The following MAGEE1 variants were observed in gnomAD, a reference collection of about 807,000 sequenced individuals.
The protein encoded by MAGEE1 is melanoma-associated antigen E1.
In MAGEE1, 3 loss-of-function variants were observed where a neutral mutation model predicts 12.0. That is an observed-to-expected ratio of 0.25 (90% CI 0.11 to 0.65). The LOEUF is 0.65. MAGEE1 is among the 30% of genes least tolerant of loss of function. The pLI, the probability that MAGEE1 is intolerant of heterozygous loss-of-function variation, is 0.84. For missense variants in MAGEE1, 729 were observed against 772.2 expected (o/e 0.94, Z 0.66); for synonymous variants, 414 against 326.1 (o/e 1.27, Z -2.91).
chrX:76,429,352 G>A lies in MAGEE1; in HGVS notation c.1422G>A (p.Met474Ile), dbSNP rs1556839655. 8.3e-7 allele frequency: 1 copy of A among 1,211,498 alleles called. No homozygotes were observed. Among genetic ancestry groups the A allele is most frequent in the East Asian group, 3.0e-5 (1 of 33,818 alleles). Reference protein sequence around the residue: ...DCESPNSISIMGLNTSRVAIT... With the variant: ...DCESPNSISIIGLNTSRVAIT... ...AGAGCCCCAACTCCATTAGTATTAT[G>A]GGCCTCAATACTTCCCGGGTTGCAA... is the stretch of plus-strand genomic sequence containing the variant. Residue 474 changes from methionine (M) to isoleucine (I), a missense_variant, in exon 1 of 1, where the codon ATG becomes ATA. Physicochemically the swap from Met to Ile is conservative, Grantham distance 10 (BLOSUM62 1). Transcript: ENST00000361470.
rs782480413 is a variant in MAGEE1, at chrX:76,429,131, G to A, written c.1201G>A (p.Gly401Arg). The change falls in exon 1 of 1, where the codon GGA becomes AGA. Residue 401 changes from glycine to arginine, a missense_variant. Coordinates refer to ENST00000361470, the MANE Select transcript of MAGEE1 (RefSeq NM_020932.3). ...LVQPTAPDGP[G>R]SSVLPNPGEG... ...GCAGCCCACCGCCCCTGACGGACCG[G>A]GAAGCTCCGTGCTGCCTAACCCTGG... 21 of 1,210,176 alleles carry A rather than the reference G, an allele frequency of 1.7e-5. No homozygotes were observed. In the South Asian group the frequency reaches 3.2e-4, roughly 18 times the overall value.
Position 76,430,883 on chromosome X carries a change from G to A in MAGEE1, c.*79G>A. On this transcript the variant is annotated 3_prime_UTR_variant, in exon 1 of 1. Transcript: ENST00000361470. ...TTCTCATGTATTGGGGGGTGGGGGT[G>A]GGTACATATTGTATTTGGTATTTGT... 2.0e-6 allele frequency: 1 copy of A among 508,877 alleles called. No homozygotes were observed. The highest frequency in any genetic ancestry group is 4.4e-5 in the Admixed American group (1 of 22,623). The allele number at this position is 508,877 out of a possible 1,213,427, so 41.9% of individuals were successfully genotyped here. A position where few individuals can be genotyped will look rare whatever the true frequency, so the allele number is the denominator to read the frequency against.
chrX:76,431,255 C>A lies in MAGEE1; in HGVS notation c.*451C>A, dbSNP rs1556840049. ...AATTGTGGCTGGCTTCCCTTTCTGT[C>A]TGCTATTGTATGAAGAATACTGATG... On this transcript the variant is annotated 3_prime_UTR_variant, in exon 1 of 1. Coordinates refer to ENST00000361470, the MANE Select transcript of MAGEE1 (RefSeq NM_020932.3). 1 of 128,208 alleles carries A rather than the reference C, an allele frequency of 7.8e-6. No individual in the cohort carries two copies. The highest frequency in any genetic ancestry group is 3.2e-5 in the African/African-American group (1 of 30,934). 10.6% of individuals were successfully genotyped at this position (128,208 alleles called of 1,213,427 possible).
At position 76,428,685 on chromosome X, in the gene MAGEE1, G is replaced by A. The variant is rs781822926; in HGVS notation, c.755G>A (p.Arg252His). ...EGLSTPVPPT[R>H]DEGPSTSVPA... is the part of the protein sequence containing the mutation. ...CTAAGCACCCCCGTGCCACCCACCC[G>A]TGATGAGGGACCGAGCACCTCCGTG... Residue 252 changes from arginine to histidine, a missense_variant, in exon 1 of 1, where the codon CGT becomes CAT. Physicochemically the swap from Arg to His is conservative, Grantham distance 29. Transcript: ENST00000361470. 2.4e-5 allele frequency: 26 copies of A among 1,067,313 alleles called. No homozygotes were observed. Among genetic ancestry groups the A allele is most frequent in the Non-Finnish European group, 3.2e-5 (26 of 819,563 alleles). 88.0% of individuals were successfully genotyped at this position (1,067,313 alleles called of 1,213,427 possible). A position where few individuals can be genotyped will look rare whatever the true frequency, so the allele number is the denominator to read the frequency against.
Position 76,429,206 on chromosome X carries a change from C to T in MAGEE1, c.1276C>T (p.Pro426Ser). ...CTCTAGTGCTTCTGTGGACCGGAAC[C>T]CCTCCAAGTGTTCCCTTGTTTTGCC... ...FSSSASVDRN[P>S]SKCSLVLPSP... Residue 426 changes from proline (P) to serine (S), a missense_variant, in exon 1 of 1, where the codon CCC becomes TCC. Pro to Ser is a moderately conservative substitution (Grantham distance 74). Coordinates refer to ENST00000361470, the MANE Select transcript of MAGEE1 (RefSeq NM_020932.3). The T allele has an allele frequency of 1.7e-6, 2 of 1,212,084 alleles. No homozygotes were observed. The highest frequency in any genetic ancestry group is 2.2e-6 in the Non-Finnish European group (2 of 895,569).
At position 76,430,241 on chromosome X, in the gene MAGEE1, A is replaced by G; in HGVS notation, c.2311A>G (p.Ile771Val). 8.3e-7 allele frequency: 1 copy of G among 1,211,946 alleles called. No individual in the cohort carries two copies. The highest frequency in any genetic ancestry group is 1.8e-5 in the South Asian group (1 of 56,993). Residue 771 changes from isoleucine (I) to valine (V), a missense_variant, in exon 1 of 1, where the codon ATT (isoleucine) becomes GTT (valine). Physicochemically the swap from Ile to Val is conservative, Grantham distance 29 (BLOSUM62 3). Coordinates refer to ENST00000361470, the MANE Select transcript of MAGEE1 (RefSeq NM_020932.3). Reference protein sequence around the residue: ...STKLPIPKKGILYYIGRECSK... With the variant: ...STKLPIPKKGVLYYIGRECSK... ...TAAGCTGCCTATACCAAAGAAAGGA[A>G]TTCTGTACTACATTGGCCGAGAGTG... is the stretch of plus-strand genomic sequence containing the variant.
rs782348877 is a variant in MAGEE1 at position 76,427,970 on chromosome X, C to G, written c.40C>G (p.Arg14Gly). ...VSQNSRRRRR[R>G]VAKATAHNSS... ...CCAGAATTCGCGCCGCCGCCGCCGC[C>G]GCGTTGCAAAGGCTACTGCGCACAA... The change falls in exon 1 of 1, where the codon CGC (arginine) becomes GGC (glycine). Residue 14 changes from arginine (R) to glycine (G), a missense_variant. Coordinates refer to ENST00000361470, the MANE Select transcript of MAGEE1 (RefSeq NM_020932.3). 1.6e-4 allele frequency: 192 copies of G among 1,202,778 alleles called. 1 individual carries two copies. In the East Asian group the frequency reaches 4.6e-3, roughly 29 times the overall value.
rs1923280314 is a variant in MAGEE1 at position 76,428,550 on chromosome X, G to C, written c.620G>C (p.Gly207Ala). 8.3e-7 allele frequency: 1 copy of C among 1,206,702 alleles called. No homozygotes were observed. Among genetic ancestry groups the C allele is most frequent in the Non-Finnish European group, 1.1e-6 (1 of 893,924 alleles). Reference protein sequence around the residue: ...STSVLPTPGEGPGTSVPLAAT... With the variant: ...STSVLPTPGEAPGTSVPLAAT... Reference sequence around the variant, plus strand: ...TCCGTGCTGCCTACACCTGGTGAGGGACCAGGCACCTCCGTGCCGCTCGCC... The same window carrying C: ...TCCGTGCTGCCTACACCTGGTGAGGCACCAGGCACCTCCGTGCCGCTCGCC... The change falls in exon 1 of 1, where the codon GGA becomes GCA. Residue 207 changes from glycine (G) to alanine (A), a missense_variant. By Grantham distance (60) the Gly-to-Ala change is moderately conservative (BLOSUM62 0). This residue lies in a region of MAGEE1 where 473 missense variants were observed against 423.7 expected (regional missense o/e 1.12). Transcript: ENST00000361470.
chrX:76,430,663 G>C lies in MAGEE1; in HGVS notation c.2733G>C (p.Lys911Asn). ...WGPRARLETS[K>N]MKALRYVARI... is the part of the protein sequence containing the mutation. Reference sequence around the variant, plus strand: ...CTAGAGCCCGTTTGGAAACCTCTAAGATGAAAGCCTTGCGATATGTGGCCA... The same window carrying C: ...CTAGAGCCCGTTTGGAAACCTCTAACATGAAAGCCTTGCGATATGTGGCCA... Residue 911 changes from lysine (K) to asparagine (N), a missense_variant, in exon 1 of 1, where the codon AAG (lysine) becomes AAC (asparagine). Lys to Asn is a moderately conservative substitution (Grantham distance 94). Around this residue, in one of 4 missense-constraint regions of MAGEE1, gnomAD observed 101 missense variants for 161.3 expected, o/e 0.63. Transcript: ENST00000361470. 1 of 1,211,723 alleles carries C rather than the reference G, an allele frequency of 8.3e-7. No homozygotes were observed.
Position 76,429,939 on chromosome X carries a change from A to C in MAGEE1, c.2009A>C (p.Lys670Thr), listed in dbSNP as rs1556839808. ...GAAACCACCAAGATGAAAATTCTGA[A>C]GTTCATGGCGAAAATATATAACAAA... ...HLETTKMKIL[K>T]FMAKIYNKDP... The change falls in exon 1 of 1, where the codon AAG (lysine) becomes ACG (threonine). Residue 670 changes from lysine to threonine, a missense_variant. Coordinates refer to ENST00000361470, the MANE Select transcript of MAGEE1 (RefSeq NM_020932.3). The C allele has an allele frequency of 8.3e-7, 1 of 1,211,167 alleles. No homozygotes were observed. Among genetic ancestry groups the C allele is most frequent in the African/African-American group, 1.7e-5 (1 of 57,627 alleles).
Position 76,428,995 on chromosome X carries a change from C to T in MAGEE1, c.1065C>T (p.Ser355=), listed in dbSNP as rs1556839556. Residue 355 remains serine (S), a synonymous_variant, in exon 1 of 1, where the codon TCC becomes TCT. Coordinates refer to ENST00000361470, the MANE Select transcript of MAGEE1 (RefSeq NM_020932.3). The stretch of plus-strand genomic sequence containing the variant: ...CTCCCGGTGAGGGACCAAGCACTTC[C>T]GTACTGCCAATCCCCGGTGAGGGAC... ...PPTPGEGPST[S]VLPIPGEGLS... 1.7e-6 allele frequency: 2 copies of T among 1,211,527 alleles called. No homozygotes were observed. Among genetic ancestry groups the T allele is most frequent in the Non-Finnish European group, 2.2e-6 (2 of 895,462 alleles).
Position 76,428,412 on chromosome X carries a change from G to C in MAGEE1, c.482G>C (p.Ser161Thr). 1 of 1,210,253 alleles carries C rather than the reference G, an allele frequency of 8.3e-7. No individual in the cohort carries two copies. Among genetic ancestry groups the C allele is most frequent in the Non-Finnish European group, 1.1e-6 (1 of 894,428 alleles). ...CCGCCCACCGCCTCTGAGGTACCGAGCACCTCCCTGCCGCCCACCCCTGGT... is the reference window on the plus strand; with the variant it reads ...CCGCCCACCGCCTCTGAGGTACCGACCACCTCCCTGCCGCCCACCCCTGGT... ...SVPPTASEVP[S>T]TSLPPTPGEG... The change falls in exon 1 of 1, where the codon AGC (serine) becomes ACC (threonine). Residue 161 changes from serine (S) to threonine (T), a missense_variant. Physicochemically the swap from Ser to Thr is moderately conservative, Grantham distance 58. Transcript: ENST00000361470.
Position 76,429,914 on chromosome X carries a change from G to A in MAGEE1, c.1984G>A (p.Glu662Lys). 7.4e-6 allele frequency: 9 copies of A among 1,211,536 alleles called. No individual in the cohort carries two copies. The highest frequency in any genetic ancestry group is 1.0e-5 in the Non-Finnish European group (9 of 895,490). ...EFFWGPRSHL[E>K]TTKMKILKFM... is the part of the protein sequence containing the mutation. ...TTTCTGGGGCCCAAGATCCCACCTA[G>A]AAACCACCAAGATGAAAATTCTGAA... Residue 662 changes from glutamate to lysine, a missense_variant, in exon 1 of 1, where the codon GAA (glutamate) becomes AAA (lysine). Physicochemically the swap from Glu to Lys is moderately conservative, Grantham distance 56 (BLOSUM62 1). This residue lies in a region of MAGEE1 where 91 missense variants were observed against 133.8 expected (regional missense o/e 0.68). Transcript: ENST00000361470.
chrX:76,428,044 T>C lies in MAGEE1; in HGVS notation c.114T>C (p.Ala38=). The part of the protein sequence containing the change: ...MQAPNAPGLP[A]DVPGSDVPQG... The stretch of plus-strand genomic sequence containing the variant: ...CCCCTAATGCCCCCGGTCTCCCCGC[T>C]GATGTGCCAGGCTCAGACGTCCCCC... The change falls in exon 1 of 1, where the codon GCT becomes GCC. Residue 38 remains alanine, a synonymous_variant. Transcript: ENST00000361470. The C allele has an allele frequency of 1.7e-6, 2 of 1,185,278 alleles. No individual in the cohort carries two copies. The highest frequency in any genetic ancestry group is 2.3e-6 in the Non-Finnish European group (2 of 882,071).
Position 76,430,125 on chromosome X carries a change from C to T in MAGEE1, c.2195C>T (p.Ser732Phe), listed in dbSNP as rs1325796028. The T allele has an allele frequency of 1.7e-6, 2 of 1,209,823 alleles. No individual in the cohort carries two copies. Among genetic ancestry groups the T allele is most frequent in the Non-Finnish European group, 1.1e-6 (1 of 895,250 alleles). Residue 732 changes from serine to phenylalanine, a missense_variant, in exon 1 of 1, where the codon TCC becomes TTC. Ser to Phe is a radical substitution (Grantham distance 155). Coordinates refer to ENST00000361470, the MANE Select transcript of MAGEE1 (RefSeq NM_020932.3). Reference sequence around the variant, plus strand: ...CCTGATTCAGAGGTTTCCAGCTATTCCTCAAAATATGCCCCACATTCATGG... The same window carrying T: ...CCTGATTCAGAGGTTTCCAGCTATTTCTCAAAATATGCCCCACATTCATGG... ...PSPDSEVSSYSSKYAPHSWPE... is the reference protein window; with the variant it reads ...PSPDSEVSSYFSKYAPHSWPE...
rs145140241 is a variant in MAGEE1 at position 76,428,910 on chromosome X, G to T, written c.980G>T (p.Gly327Val). The T allele has an allele frequency of 8.3e-7, 1 of 1,207,385 alleles. No homozygotes were observed. Among genetic ancestry groups the T allele is most frequent in the South Asian group, 1.8e-5 (1 of 56,772 alleles). ...TCCGTGCCGCCCACCCCTGGTGGGG[G>T]ACTGAGCACCTCCGTGCCGCCCACC... is the stretch of plus-strand genomic sequence containing the variant. ...STSVPPTPGG[G>V]LSTSVPPTAT... The change falls in exon 1 of 1, where the codon GGA becomes GTA. Residue 327 changes from glycine (G) to valine (V), a missense_variant. Physicochemically the swap from Gly to Val is moderately radical, Grantham distance 109 (BLOSUM62 -3). Coordinates refer to ENST00000361470, the MANE Select transcript of MAGEE1 (RefSeq NM_020932.3).
chrX:76,430,201 G>T lies in MAGEE1; in HGVS notation c.2271G>T (p.Leu757=). The change falls in exon 1 of 1, where the codon CTG becomes CTT. Residue 757 remains leucine, a synonymous_variant. Transcript: ENST00000361470. ...SKARKLVQLF[L]LMDSTKLPIP... ...CAAGGAAGCTGGTGCAGTTATTTCT[G>T]CTTATGGATTCAACTAAGCTGCCTA... The T allele has an allele frequency of 8.3e-7, 1 of 1,211,800 alleles. No homozygotes were observed. Among genetic ancestry groups the T allele is most frequent in the Non-Finnish European group, 1.1e-6 (1 of 895,576 alleles).
In MAGEE1 at chrX:76,428,153, G is replaced by C; in HGVS notation, c.223G>C (p.Gly75Arg). The change falls in exon 1 of 1, where the codon GGC (glycine) becomes CGC (arginine). Residue 75 changes from glycine (G) to arginine (R), a missense_variant. Gly to Arg is a moderately radical substitution (Grantham distance 125). Around this residue, in one of 4 missense-constraint regions of MAGEE1, gnomAD observed 473 missense variants for 423.7 expected, o/e 1.12. Transcript: ENST00000361470. ...STSVLPTSAE[G>R]PSTFVPPTIS... ...CTCCGTTCTGCCCACCTCCGCTGAG[G>C]GCCCAAGCACCTTTGTGCCGCCCAC... 1 of 1,204,644 alleles carries C rather than the reference G, an allele frequency of 8.3e-7. No homozygotes were observed. The highest frequency in any genetic ancestry group is 1.1e-6 in the Non-Finnish European group (1 of 891,886).
rs1457153754 is a variant in MAGEE1 at position 76,428,456 on chromosome X, G to T, written c.526G>T (p.Val176Leu). The T allele has an allele frequency of 5.0e-6, 6 of 1,209,638 alleles. No homozygotes were observed. Among genetic ancestry groups the T allele is most frequent in the Non-Finnish European group, 5.6e-6 (5 of 894,838 alleles). The stretch of plus-strand genomic sequence containing the variant: ...CCCTGGTGAGGGAACGAGCACCTCC[G>T]TGCCGCCCACAGCCTATGAGGGACC... ...PTPGEGTSTS[V>L]PPTAYEGPST... is the part of the protein sequence containing the mutation. The change falls in exon 1 of 1, where the codon GTG becomes TTG. Residue 176 changes from valine (V) to leucine (L), a missense_variant. By Grantham distance (32) the Val-to-Leu change is conservative. Coordinates refer to ENST00000361470, the MANE Select transcript of MAGEE1 (RefSeq NM_020932.3).
Sources: gnomAD v4.1 joint callset for allele counts on GRCh38, gnomAD v4.1.1 for gene constraint, gnomAD v4.1.1 regional missense constraint, MANE v1.5 for transcripts, NCBI Gene and HGNC (gene_info 2026-07-23, HGNC 2026-07-21) for gene names.